The following PIAS1 variants were observed in gnomAD, a reference collection of about 807,000 sequenced individuals.
The protein encoded by PIAS1 is protein inhibitor of activated STAT 1, also known as E3 SUMO-protein ligase PIAS1.
Under a neutral mutation model 71.3 loss-of-function variants are expected in PIAS1, and 6 were observed. The observed-to-expected ratio is 0.08, with a 90% CI of 0.05 to 0.17. The LOEUF (loss-of-function observed/expected upper bound fraction) is 0.17, where lower values mean the gene tolerates loss of function less well. Among genes scored for constraint, PIAS1 ranks in the 10% least tolerant of loss-of-function variants. PIAS1 has a pLI of 1.00. For missense variants in PIAS1, 555 were observed against 793.6 expected (o/e 0.70, Z 3.61); for synonymous variants, 303 against 292.9 (o/e 1.03, Z -0.35).
chr15:68,146,314 C>T (rs1048921950), intron 5 of PIAS1, among the ~76,000 whole-genome samples: 1 of 152,126 alleles, frequency 6.6e-6, no homozygotes, highest in African/African-American at 2.4e-5. Context: ...GTTATGAATT[C>T]ATCCTGATTT....
chr15:68,069,983 A>G (rs76878511), intron 1 of PIAS1, among the ~76,000 whole-genome samples: 3,154 of 152,248 alleles, frequency 0.021, 111 homozygotes, highest in African/African-American at 0.072. Context: ...TGTTAAATGC[A>G]TTGTTAAAGT....
At chr15:68,105,375 G>A (rs1356991156) in intron 2 of PIAS1, among the ~76,000 whole-genome samples, 1 of 46,140 alleles carries the variant, frequency 2.2e-5, no homozygotes, top group Admixed American at 2.3e-4. Context: ...TGTGTAGATC[G>A]TGGAGTTCTT....
chr15:68,057,422 AT>A (rs1042830885), intron 1 of PIAS1: 174 of 399,906 alleles, frequency 4.4e-4, no homozygotes, highest in Non-Finnish European at 6.2e-4. Context: ...TTAAAAAAAA[AT>A]ATGTGTTTTT....
chr15:68,094,715 A>G (rs1203423082), intron 2 of PIAS1, among the ~76,000 whole-genome samples: 1 of 152,070 alleles, frequency 6.6e-6, no homozygotes, highest in Non-Finnish European at 1.5e-5. Context: ...GATTCATTCT[A>G]CTCTACTTTT....
At chr15:68,121,653 A>G (rs1350235317) in intron 2 of PIAS1, among the ~76,000 whole-genome samples, 1 of 152,088 alleles carries the variant, frequency 6.6e-6, no homozygotes, top group African/African-American at 2.4e-5. Context: ...TTCTCAGGTC[A>G]TCTCATTCAC....
At chr15:68,165,353 T>C (rs370880115) in intron 8 of PIAS1, among the ~76,000 whole-genome samples, 1 of 152,182 alleles carries the variant, frequency 6.6e-6, no homozygotes, top group Admixed American at 6.5e-5. Context: ...ACTCCTGACC[T>C]CAGGTGATCC....
At chr15:68,069,105 A>G (rs1052632579) in intron 1 of PIAS1, among the ~76,000 whole-genome samples, 6 of 151,322 alleles carry the variant, frequency 4.0e-5, no homozygotes, top group African/African-American at 1.5e-4. Context: ...CATGTTGGCC[A>G]GGCTGGTCTC....
At chr15:68,124,208 G>C (rs898533928) in intron 2 of PIAS1, among the ~76,000 whole-genome samples, 2 of 151,850 alleles carry the variant, frequency 1.3e-5, no homozygotes, top group African/African-American at 4.8e-5. Flanking sequence ...TTTGAATCAG[G>C]GTATTACTCT....
In PIAS1 at chr15:68,094,605, T is replaced by G. The variant is rs1055064723; in HGVS notation, c.469+7855T>G. Among the ~76,000 whole-genome samples the G allele has an allele frequency of 3.9e-5, 6 of 152,134 alleles. No homozygotes were observed. In the East Asian group the frequency reaches 1.2e-3, roughly 29 times the overall value. ...CTCATTTTTTATAATTGAGTTTTCC[T>G]TTTTCCACATTCTTAATATCCAGTG... On this transcript the variant is annotated intron_variant, in intron 2 of 13. Transcript: ENST00000249636.
intron 1 of PIAS1, among the ~76,000 whole-genome samples, chr15:68,085,471 T>C (rs1168045780): frequency 3.3e-5 from 5 of 152,266 alleles, no homozygotes; most frequent in East Asian, 3.9e-4. Flanking sequence ...GGCATATGAA[T>C]TGGGTTGCTG....
intron 2 of PIAS1, among the ~76,000 whole-genome samples, chr15:68,138,804 A>G (rs2092750953): frequency 6.6e-6 from 1 of 152,188 alleles, no homozygotes; most frequent in Non-Finnish European, 1.5e-5. Flanking sequence ...GGGTGTAACA[A>G]CCTGGGGTAC....
intron 1 of PIAS1, among the ~76,000 whole-genome samples, chr15:68,073,538 A>AT (rs1291995853): frequency 6.6e-6 from 1 of 152,140 alleles, no homozygotes; most frequent in African/African-American, 2.4e-5. Context: ...AAAAGCGTAA[A>AT]TTTTTTTAAT....
chr15:68,114,523 G>T (rs1163112559), intron 2 of PIAS1, among the ~76,000 whole-genome samples: 1 of 152,044 alleles, frequency 6.6e-6, no homozygotes, highest in Non-Finnish European at 1.5e-5. Context: ...ATTAAAGATT[G>T]TAAGGCTGAC....
At chr15:68,180,611 T>G (rs181454498) in intron 11 of PIAS1, among the ~76,000 whole-genome samples, 50 of 98,694 alleles carry the variant, frequency 5.1e-4, no homozygotes, top group Non-Finnish European at 5.3e-4. Flanking sequence ...TCTTCTTGTT[T>G]CACTACATTA....
chr15:68,095,968 A>G (rs1376405485), intron 2 of PIAS1, among the ~76,000 whole-genome samples: 1 of 152,172 alleles, frequency 6.6e-6, no homozygotes, highest in East Asian at 1.9e-4. Flanking sequence ...TAGATGTGCC[A>G]AAGATGGAGA....
chr15:68,116,132 G>T lies in PIAS1; in HGVS notation c.470-25814G>T, dbSNP rs184835576. On this transcript the variant is annotated intron_variant, in intron 2 of 13. Transcript: ENST00000249636. ...TAGAATCAATATTTTTTCTTGTCAG[G>T]TAGAATTCTTCAGTGTTTTGAAAAC... Among the ~76,000 whole-genome samples the T allele has an allele frequency of 9.9e-5, 15 of 151,448 alleles. No homozygotes were observed. The East Asian group carries it at 2.9e-3, about 29-fold the overall frequency.
At chr15:68,093,680 G>T (rs1298816088) in intron 2 of PIAS1, among the ~76,000 whole-genome samples, 3 of 152,178 alleles carry the variant, frequency 2.0e-5, no homozygotes, top group Non-Finnish European at 4.4e-5. Context: ...CTTTGAGAGG[G>T]TTATAATGGG....
At position 68,064,910 on chromosome 15, in the gene PIAS1, A is replaced by G. The variant is rs1261700010; in HGVS notation, c.24+10560A>G. Among the ~76,000 whole-genome samples the G allele has an allele frequency of 2.6e-5, 4 of 152,146 alleles. No individual in the cohort carries two copies. In the East Asian group the frequency reaches 7.7e-4, roughly 29 times the overall value. On this transcript the variant is annotated intron_variant, in intron 1 of 13. Coordinates refer to ENST00000249636, the MANE Select transcript of PIAS1 (RefSeq NM_016166.3). ...GATTTATGTTAACAAGTAATGGATTAATTAATTAATTTGTTTTTTGAGATG... is the reference window on the plus strand; with the variant it reads ...GATTTATGTTAACAAGTAATGGATTGATTAATTAATTTGTTTTTTGAGATG...
intron 2 of PIAS1, among the ~76,000 whole-genome samples, chr15:68,107,669 A>G (rs950920811): frequency 1.3e-5 from 2 of 152,210 alleles, no homozygotes; most frequent in Admixed American, 6.5e-5. Flanking sequence ...CTATTAAACT[A>G]TATCTAAGAG....
Sources: gnomAD v4.1 joint callset for allele counts (sites outside exome capture counted in the v4.1 genomes callset) on GRCh38, gnomAD v4.1.1 for gene constraint, MANE v1.5 for transcripts, NCBI Gene and HGNC (gene_info 2026-07-23, HGNC 2026-07-21) for gene names.